The following DNAJC6 variants were observed in gnomAD, a reference collection of about 807,000 sequenced individuals.
The protein encoded by DNAJC6 is auxilin.
A neutral mutation model predicts 110.0 loss-of-function variants in DNAJC6; 34 were observed. The ratio of observed to expected loss-of-function variants is 0.31; its 90% confidence interval spans 0.24 to 0.41. The LOEUF is 0.41. DNAJC6 is among the 10% of genes least tolerant of loss of function. The pLI is 1.00. For synonymous variants in DNAJC6, 406 were observed against 437.2 expected, an observed-to-expected ratio of 0.93 and a Z score of 0.89; for missense variants, 1,031 against 1,207.8, an observed-to-expected ratio of 0.85 and a Z score of 2.17.
In DNAJC6 at chr1:65,412,857, T is replaced by TG. The variant is rs1646140923; in HGVS notation, c.2812-66dup. ...TTGCTTAGAGCCCATATATTGGCAG[T>TG]GAAAAATTTAATATTAATGAAATTT... On this transcript the variant is annotated intron_variant, in intron 18 of 18. Transcript: ENST00000371069. The TG allele has an allele frequency of 2.3e-6, 3 of 1,324,724 alleles. No individual in the cohort carries two copies. In the African/African-American group the frequency reaches 4.4e-5, roughly 20 times the overall value. The allele number at this position is 1,324,724 out of a possible 1,614,324, so 82.1% of individuals were successfully genotyped here. A position where few individuals can be genotyped will look rare whatever the true frequency, so the allele number is the denominator to read the frequency against.
chr1:65,357,164 C>T (rs531857136), intron 1 of DNAJC6, among the ~76,000 whole-genome samples: 1 of 152,248 alleles, frequency 6.6e-6, no homozygotes, highest in Admixed American at 6.5e-5. Flanking sequence ...GGATTTCTAT[C>T]CCACAGTTGT....
At chr1:65,339,263 A>G (rs575499258) in intron 1 of DNAJC6, among the ~76,000 whole-genome samples, 5 of 152,224 alleles carry the variant, frequency 3.3e-5, no homozygotes, top group Non-Finnish European at 7.3e-5. Context: ...TAAGCTGCTT[A>G]TCTAAAGAAA....
At chr1:65,318,595 T>C (rs901905425) in intron 1 of DNAJC6, among the ~76,000 whole-genome samples, 8 of 152,178 alleles carry the variant, frequency 5.3e-5, no homozygotes, top group Non-Finnish European at 1.0e-4. Context: ...AGCAAACTAA[T>C]GCAGGAACAG....
chr1:65,391,557 G>A (rs867631683), intron 11 of DNAJC6, among the ~76,000 whole-genome samples: 20 of 152,196 alleles, frequency 1.3e-4, no homozygotes, highest in Non-Finnish European at 2.1e-4. Flanking sequence ...GCTCCAGACT[G>A]TTAGAGAAGG....
At position 65,373,110 on chromosome 1, in the gene DNAJC6, C is replaced by T. The variant is rs532416631; in HGVS notation, c.544-6292C>T. ...ATTTCAGTTATAATGGCCTCCAGTT[C>T]CATCCATGTTGCTGCAAATGACAGG... On this transcript the variant is annotated intron_variant, in intron 4 of 18. Coordinates refer to ENST00000371069, the MANE Select transcript of DNAJC6 (RefSeq NM_001256864.2). 3.3e-5 allele frequency among the ~76,000 whole-genome samples: 5 copies of T among 152,218 alleles called. No individual in the cohort carries two copies. The South Asian group carries it at 1.0e-3, about 32-fold the overall frequency.
intron 1 of DNAJC6, among the ~76,000 whole-genome samples, chr1:65,327,233 C>A (rs1645249537): frequency 1.3e-5 from 2 of 151,948 alleles, no homozygotes; most frequent in South Asian, 4.2e-4. Context: ...CAGTTGAGTA[C>A]CTGCATATGC....
intron 1 of DNAJC6, among the ~76,000 whole-genome samples, chr1:65,320,454 C>G (rs4916042): frequency 0.8 from 121,502 of 152,174 alleles, 49,273 homozygotes; most frequent in African/African-American, 0.95. Context: ...AACTCCAAAT[C>G]TAAGCTCTGA....
chr1:65,274,627 T>G (rs1478556326), intron 1 of DNAJC6, among the ~76,000 whole-genome samples: 1 of 151,674 alleles, frequency 6.6e-6, no homozygotes, highest in Admixed American at 6.6e-5. Context: ...TATACTTTAC[T>G]TTTTTCTATA....
chr1:65,405,817 A>C (rs1646070108), intron 15 of DNAJC6, 53 bp from the exon 16 acceptor site: 2 of 1,538,360 alleles, frequency 1.3e-6, no homozygotes, highest in Non-Finnish European at 1.7e-6. Context: ...AAGACACAAG[A>C]GTTAGAGGCC....
intron 1 of DNAJC6, among the ~76,000 whole-genome samples, chr1:65,313,668 A>T (rs1645122682): frequency 6.6e-6 from 1 of 152,122 alleles, no homozygotes; most frequent in Non-Finnish European, 1.5e-5. Context: ...ATCTACTTTG[A>T]TTTCCCCCCT....
chr1:65,286,089 C>T (rs775418387), intron 1 of DNAJC6, among the ~76,000 whole-genome samples: 1 of 152,200 alleles, frequency 6.6e-6, no homozygotes, highest in Non-Finnish European at 1.5e-5. Flanking sequence ...CTCCCTGCCC[C>T]AGCAACTTGG....
chr1:65,290,268 T>C (rs1445956822), intron 1 of DNAJC6, among the ~76,000 whole-genome samples: 1 of 152,218 alleles, frequency 6.6e-6, no homozygotes, highest in African/African-American at 2.4e-5. Context: ...ATTGAGTCCT[T>C]TGAATGTATG....
chr1:65,303,572 T>C (rs1374639612), intron 1 of DNAJC6, among the ~76,000 whole-genome samples: 1 of 152,072 alleles, frequency 6.6e-6, no homozygotes, highest in African/African-American at 2.4e-5. Flanking sequence ...TTCTTTTTTT[T>C]TTTTGAGACG....
intron 15 of DNAJC6, among the ~76,000 whole-genome samples, chr1:65,403,830 T>C (rs1646051449): frequency 1.3e-5 from 2 of 152,196 alleles, no homozygotes; most frequent in African/African-American, 4.8e-5. Flanking sequence ...TCCTGCAATG[T>C]TGATGAGCCC....
chr1:65,365,811 C>G (rs923555655), intron 2 of DNAJC6, 74 bp from the exon 3 acceptor site: 3 of 1,528,672 alleles, frequency 2.0e-6, no homozygotes, highest in Admixed American at 1.8e-5. Context: ...TTCATATGCG[C>G]AAGTGATTGA....
intron 1 of DNAJC6, among the ~76,000 whole-genome samples, chr1:65,338,546 T>C (rs1447395100): frequency 6.6e-6 from 1 of 152,178 alleles, no homozygotes; most frequent in Non-Finnish European, 1.5e-5. Flanking sequence ...TTTGTAATTA[T>C]ATAGAATATT....
chr1:65,360,124 CTT>C (rs1266379184), intron 1 of DNAJC6, among the ~76,000 whole-genome samples: 1 of 152,166 alleles, frequency 6.6e-6, no homozygotes, highest in African/African-American at 2.4e-5. Flanking sequence ...TGCCCTTTCT[CTT>C]AACTAGCTGA....
intron 1 of DNAJC6, among the ~76,000 whole-genome samples, chr1:65,291,406 G>T (rs1644873721): frequency 6.6e-6 from 1 of 152,108 alleles, no homozygotes; most frequent in South Asian, 2.1e-4. Flanking sequence ...TGGTATGTTT[G>T]AAATTTTCAT....
intron 4 of DNAJC6, among the ~76,000 whole-genome samples, chr1:65,375,978 T>A (rs892027163): frequency 8.5e-5 from 13 of 152,256 alleles, no homozygotes; most frequent in African/African-American, 2.7e-4. Flanking sequence ...CATTCTTTTT[T>A]AAATATTTGG....
Sources: gnomAD v4.1 joint callset for allele counts (sites outside exome capture counted in the v4.1 genomes callset) on GRCh38, gnomAD v4.1.1 for gene constraint, MANE v1.5 for transcripts, NCBI Gene and HGNC (gene_info 2026-07-23, HGNC 2026-07-21) for gene names.